NOTCH1: variants seen among roughly 807,000 people sequenced by gnomAD.
The protein encoded by NOTCH1 is notch receptor 1.
A neutral mutation model predicts 254.8 loss-of-function variants in NOTCH1; 37 were observed. That is an observed-to-expected ratio of 0.15 (90% CI 0.11 to 0.19). NOTCH1 has a LOEUF of 0.19. NOTCH1 is among the 10% of genes least tolerant of loss of function. The pLI is 1.00. For synonymous variants in NOTCH1, 1,731 were observed against 1,618.1 expected, an observed-to-expected ratio of 1.07 and a Z score of -1.68; for missense variants, 2,972 against 3,708.6, an observed-to-expected ratio of 0.80 and a Z score of 5.16.
intron 18 of NOTCH1, among the ~76,000 whole-genome samples, chr9:136,509,494 G>A (rs1485371528): frequency 6.6e-6 from 1 of 152,236 alleles, no homozygotes; most frequent in Non-Finnish European, 1.5e-5. Flanking sequence ...ATAGAAGGAA[G>A]CGCACCAGTT....
rs751048658 is a variant in NOTCH1, at chr9:136,497,530, C to T, written c.6209G>A (p.Arg2070Gln). Residue 2070 changes from arginine to glutamine, a missense_variant, in exon 34 of 34, where the codon CGG (arginine) becomes CAG (glutamine). Physicochemically the swap from Arg to Gln is conservative, Grantham distance 43. This residue lies in a region of NOTCH1 where 421 missense variants were observed against 604.4 expected (regional missense o/e 0.70). Transcript: ENST00000651671. ...CTTGGCGGTCTCGTAGCTGCCCTCC[C>T]GGGCGGCCAGAAACAGGGGTGTCTC... ...REETPLFLAA[R>Q]EGSYETAKVL... The T allele has an allele frequency of 5.0e-6, 8 of 1,606,752 alleles. No individual in the cohort carries two copies. The highest frequency in any genetic ancestry group is 1.7e-5 in the Admixed American group (1 of 59,864).
intron 2 of NOTCH1, among the ~76,000 whole-genome samples, chr9:136,526,792 G>A (rs1185234983): frequency 2.6e-5 from 4 of 152,318 alleles, no homozygotes; most frequent in South Asian, 4.1e-4. Flanking sequence ...AGGAAAACAC[G>A]CCCCATAAAT....
At position 136,495,156 on chromosome 9, in the gene NOTCH1, G is replaced by T; in HGVS notation, c.*915C>A. The T allele has an allele frequency of 2.5e-6, 1 of 399,146 alleles. No individual in the cohort carries two copies. Among genetic ancestry groups the T allele is most frequent in the Non-Finnish European group, 4.4e-6 (1 of 226,096 alleles). 24.7% of individuals were successfully genotyped at this position (399,146 alleles called of 1,614,324 possible). ...TGGGGCCGCCACCGGGGTCAGCCCA[G>T]GCAGTGTCTTTCCCCAGAAAAGGGT... On this transcript the variant is annotated 3_prime_UTR_variant, in exon 34 of 34. Coordinates refer to ENST00000651671, the MANE Select transcript of NOTCH1 (RefSeq NM_017617.5).
chr9:136,538,297 C>G (rs1843684784), intron 2 of NOTCH1, among the ~76,000 whole-genome samples: 1 of 151,764 alleles, frequency 6.6e-6, no homozygotes, highest in Non-Finnish European at 1.5e-5. Context: ...CCTTCCCCAG[C>G]TGGGGCGACC....
rs746813873 is a variant in NOTCH1, at chr9:136,506,696, C to A, written c.3901+20G>T. 1 of 1,595,532 alleles carries A rather than the reference C, an allele frequency of 6.3e-7. No homozygotes were observed. Among genetic ancestry groups the A allele is most frequent in the South Asian group, 1.1e-5 (1 of 88,746 alleles). The stretch of plus-strand genomic sequence containing the variant: ...ACCCTGCTGCCCCACACGCCCCACC[C>A]GCCTGGGCGCGGCACCCACCGGTGT... On this transcript the variant is annotated intron_variant, in intron 23 of 33. Transcript: ENST00000651671. This position sits in a 1 kb window ranked among gnomAD's most constrained non-coding sequence, Gnocchi z 4.5.
At position 136,533,262 on chromosome 9, in the gene NOTCH1, G is replaced by T. The variant is rs549829032; in HGVS notation, c.141-9283C>A. 1.2e-4 allele frequency among the ~76,000 whole-genome samples: 6 copies of T among 48,630 alleles called. 1 individual carries two copies. In the East Asian group the frequency reaches 9.5e-3, roughly 77 times the overall value. The allele number at this position is 48,630 out of a possible 152,430, so 31.9% of individuals were successfully genotyped here. A position where few individuals can be genotyped will look rare whatever the true frequency, so the allele number is the denominator to read the frequency against. ...AAGGATGGAGAGTGGAGGCCCAAGGGGGGGACTCTGGCCCAGCCCCCTCCG... is the reference window on the plus strand; with the variant it reads ...AAGGATGGAGAGTGGAGGCCCAAGGTGGGGACTCTGGCCCAGCCCCCTCCG... On this transcript the variant is annotated intron_variant, in intron 2 of 33. Coordinates refer to ENST00000651671, the MANE Select transcript of NOTCH1 (RefSeq NM_017617.5).
At position 136,505,869 on chromosome 9, in the gene NOTCH1, C is replaced by A; in HGVS notation, c.4027G>T (p.Ala1343Ser). ...GTACGAGCGTCATTCTCACACGTGG[C>A]GCCCTCGAAGCCCTGCCCGAGAGGG... Reference protein sequence around the residue: ...ICKCPAGFEGATCENDARTCG... With the variant: ...ICKCPAGFEGSTCENDARTCG... The change falls in exon 25 of 34, where the codon GCC (alanine) becomes TCC (serine). Residue 1343 changes from alanine to serine, a missense_variant. Ala to Ser is a moderately conservative substitution (Grantham distance 99). Around this residue, in one of 8 missense-constraint regions of NOTCH1, gnomAD observed 1,343 missense variants for 1,557.0 expected, o/e 0.86. Coordinates refer to ENST00000651671, the MANE Select transcript of NOTCH1 (RefSeq NM_017617.5). The A allele has an allele frequency of 6.3e-7, 1 of 1,590,930 alleles. No homozygotes were observed. The highest frequency in any genetic ancestry group is 8.5e-7 in the Non-Finnish European group (1 of 1,176,804).
Position 136,508,308 on chromosome 9 carries a change from G to A in NOTCH1, c.3249C>T (p.Cys1083=), listed in dbSNP as rs139994842. Residue 1083 remains cysteine, a synonymous_variant, in exon 20 of 34, where the codon TGC becomes TGT. Coordinates refer to ENST00000651671, the MANE Select transcript of NOTCH1 (RefSeq NM_017617.5). ...GGCCGGTCCAGCCGCTGGGGCACTC[G>A]CAGCGGTACTGGGTGTGGGTCTGCC... ...KCWQTHTQYR[C]ECPSGWTGLY... is the part of the protein sequence containing the mutation. The A allele has an allele frequency of 4.3e-4, 694 of 1,612,984 alleles. 11 individuals are homozygous for A. In the East Asian group the frequency reaches 0.01, roughly 24 times the overall value.
chr9:136,505,812 T>C lies in NOTCH1; in HGVS notation c.4084A>G (p.Thr1362Ala), dbSNP rs776179600. The change falls in exon 25 of 34, where the codon ACA becomes GCA. Residue 1362 changes from threonine to alanine, a missense_variant. Around this residue, in one of 8 missense-constraint regions of NOTCH1, gnomAD observed 1,343 missense variants for 1,557.0 expected, o/e 0.86. Transcript: ENST00000651671. ...GGGCTGCGCGGGCCGGAGATGCATG[T>C]GCCGCCGTTGAGGCAGCGCAGGCTG... The part of the protein sequence containing the change: ...CGSLRCLNGG[T>A]CISGPRSPTC... 22 of 1,589,724 alleles carry C rather than the reference T, an allele frequency of 1.4e-5. No homozygotes were observed. The highest frequency in any genetic ancestry group is 1.9e-5 in the Non-Finnish European group (22 of 1,171,966).
rs538451336 is a variant in NOTCH1, at chr9:136,537,994, C to T, written c.140+6030G>A. On this transcript the variant is annotated intron_variant, in intron 2 of 33. Coordinates refer to ENST00000651671, the MANE Select transcript of NOTCH1 (RefSeq NM_017617.5). ...TGTAGTCCCAGCTACTCAGGAGCAT[C>T]GCGTGAATCTGGGAGGCAGAGGTTA... 2.8e-4 allele frequency among the ~76,000 whole-genome samples: 43 copies of T among 152,206 alleles called. No individual in the cohort carries two copies. The East Asian group carries it at 7.1e-3, about 25-fold the overall frequency.
At chr9:136,519,620 C>T in intron 4 of NOTCH1, 55 bp from the exon 5 acceptor site, 2 of 1,610,964 alleles carry the variant, frequency 1.2e-6, no homozygotes, top group Non-Finnish European at 8.5e-7. Flanking sequence ...CCGGCTCCTG[C>T]CTGGACCCCC....
intron 2 of NOTCH1, among the ~76,000 whole-genome samples, chr9:136,531,896 C>G (rs1478153516): frequency 2.6e-5 from 4 of 152,262 alleles, no homozygotes; most frequent in Admixed American, 6.5e-5. Context: ...GCTCCCTGCT[C>G]TCTGACCACA....
chr9:136,499,381 G>C, intron 31 of NOTCH1, 122 bp from the exon 32 acceptor site: 1 of 1,404,000 alleles, frequency 7.1e-7, no homozygotes, highest in African/African-American at 1.4e-5. Flanking sequence ...ACCCTCCTGA[G>C]ATCGGCACGG....
intron 4 of NOTCH1, among the ~76,000 whole-genome samples, chr9:136,521,930 C>T (rs1255619565): frequency 6.6e-6 from 1 of 152,178 alleles, no homozygotes; most frequent in Non-Finnish European, 1.5e-5. Context: ...TCCCACCTAA[C>T]AGCCATTCTG....
rs763140976 is a variant in NOTCH1 at position 136,502,027 on chromosome 9, C to T, written c.5446G>A (p.Glu1816Lys). 15 of 1,613,128 alleles carry T rather than the reference C, an allele frequency of 9.3e-6. No homozygotes were observed. Among genetic ancestry groups the T allele is most frequent in the South Asian group, 7.7e-5 (7 of 91,088 alleles). ...CGGAACTTCTTGGTCTCCAGGTCCT[C>T]GTCCCCCCACTCATTCTGGTTGTCG... ...MDDNQNEWGD[E>K]DLETKKFRFE... Residue 1816 changes from glutamate to lysine, a missense_variant, in exon 29 of 34, where the codon GAG becomes AAG. By Grantham distance (56) the Glu-to-Lys change is moderately conservative (BLOSUM62 1). Coordinates refer to ENST00000651671, the MANE Select transcript of NOTCH1 (RefSeq NM_017617.5).
chr9:136,517,469 A>G, intron 8 of NOTCH1, 84 bp from the exon 9 acceptor site: 2 of 1,017,206 alleles, frequency 2.0e-6, no homozygotes, highest in Non-Finnish European at 3.0e-6. Flanking sequence ...ACAGAAACGA[A>G]CCCTGCCTCC....
chr9:136,519,343 AG>A, intron 5 of NOTCH1, 99 bp downstream of exon 5: 4 of 1,533,072 alleles, frequency 2.6e-6, no homozygotes, highest in Non-Finnish European at 2.7e-6. Flanking sequence ...GGCCTGGGAC[AG>A]GGTCTCGGCT....
chr9:136,530,506 G>A (rs908516046), intron 2 of NOTCH1, among the ~76,000 whole-genome samples: 8 of 152,174 alleles, frequency 5.3e-5, no homozygotes, highest in African/African-American at 1.9e-4. Flanking sequence ...CACTCTGGGG[G>A]CATGTGGCCA....
chr9:136,517,233 G>A (rs1022615751), intron 9 of NOTCH1, 39 bp downstream of exon 9: 3 of 1,348,602 alleles, frequency 2.2e-6, no homozygotes, highest in Non-Finnish European at 3.1e-6. Context: ...AGGCCAGGGT[G>A]CAGACGACCC....
Sources: gnomAD v4.1 joint callset for allele counts (sites outside exome capture counted in the v4.1 genomes callset) on GRCh38, gnomAD v4.1.1 for gene constraint, gnomAD v4.1.1 regional missense constraint, Gnocchi (gnomAD v3.1) non-coding constraint, MANE v1.5 for transcripts, NCBI Gene and HGNC (gene_info 2026-07-23, HGNC 2026-07-21) for gene names.